Variants in CTSH observed in about 807,000 individuals in gnomAD.
The protein encoded by CTSH is cathepsin H.
CTSH carries 52 observed loss-of-function variants against 56.3 expected under a neutral mutation model. The observed-to-expected ratio is 0.92, with a 90% CI of 0.74 to 1.16. The LOEUF (loss-of-function observed/expected upper bound fraction) is 1.16, where lower values mean the gene tolerates loss of function less well. Among genes scored for constraint, CTSH ranks in the 50% most tolerant of loss-of-function variants. The pLI, the probability that CTSH is intolerant of heterozygous loss-of-function variation, is 0.00. For synonymous variants in CTSH, 174 were observed against 155.7 expected (o/e 1.12, Z -0.88); for missense variants, 406 against 424.5 (o/e 0.96, Z 0.38).
Position 78,921,887 on chromosome 15 carries a change from T to TTA in CTSH, c.*242_*243insTA, listed in dbSNP as rs2054776239. On this transcript the variant is annotated 3_prime_UTR_variant, in exon 12 of 12. Coordinates refer to ENST00000220166, the MANE Select transcript of CTSH (RefSeq NM_004390.5). ...GAAAGAATATTCGTGGTCCATGTGG[T>TTA]TTGAGTCTGTTAAGAAGGACACTAA... The TTA allele has an allele frequency of 9.3e-6, 5 of 539,516 alleles. No individual in the cohort carries two copies. In the South Asian group the frequency reaches 1.3e-4, roughly 14 times the overall value. 33.4% of individuals were successfully genotyped at this position (539,516 alleles called of 1,614,324 possible). A position where few individuals can be genotyped will look rare whatever the true frequency, so the allele number is the denominator to read the frequency against.
At chr15:78,928,207 A>G (rs73470389) in intron 8 of CTSH, among the ~76,000 whole-genome samples, 28,835 of 141,896 alleles carry the variant, frequency 0.2, 4,090 homozygotes, top group East Asian at 0.64. Flanking sequence ...CAAGGGACAG[A>G]ACTAGAGGGA....
intron 7 of CTSH, 145 bp from the exon 8 acceptor site, chr15:78,929,638 GC>G: frequency 1.7e-6 from 1 of 577,558 alleles, no homozygotes; most frequent in Non-Finnish European, 3.1e-6. Flanking sequence ...TCTCTGAGAG[GC>G]CCAGCCTTGG....
intron 3 of CTSH, 142 bp downstream of exon 3, chr15:78,937,176 G>C (rs1462848147): frequency 3.0e-6 from 2 of 660,088 alleles, no homozygotes; most frequent in Non-Finnish European, 2.7e-6. Flanking sequence ...AGTAACAGCG[G>C]AGCCACAATC....
intron 3 of CTSH, chr15:78,936,888 C>T (rs1169501822): frequency 1.2e-5 from 2 of 160,894 alleles, no homozygotes; most frequent in Non-Finnish European, 2.7e-5. Flanking sequence ...CTCGGCCTCC[C>T]AAAGTGCTGG....
intron 2 of CTSH, 137 bp from the exon 3 acceptor site, chr15:78,937,560 C>A: frequency 2.3e-6 from 3 of 1,331,756 alleles, no homozygotes; most frequent in Admixed American, 2.7e-5. Flanking sequence ...TGTTAATGGG[C>A]GGGGTACTGC....
intron 2 of CTSH, among the ~76,000 whole-genome samples, chr15:78,938,875 A>C (rs922226684): frequency 5.9e-5 from 9 of 152,180 alleles, no homozygotes; most frequent in Admixed American, 2.0e-4. Context: ...TACATTCTCC[A>C]CAATGTGCTT....
chr15:78,929,399 C>G lies in CTSH; in HGVS notation c.630+13G>C. 6.2e-7 allele frequency: 1 copy of G among 1,604,136 alleles called. No individual in the cohort carries two copies. Among genetic ancestry groups the G allele is most frequent in the Non-Finnish European group, 8.5e-7 (1 of 1,171,914 alleles). ...GTACGCCAAGAAGACAGAGTGGAGG[C>G]TGTTGGAGTTACCTTGCCCTGGTAG... is the stretch of plus-strand genomic sequence containing the variant. On this transcript the variant is annotated intron_variant, in intron 8 of 11. Transcript: ENST00000220166.
chr15:78,941,903 TA>T (rs2055302669), intron 1 of CTSH, among the ~76,000 whole-genome samples: 1 of 152,228 alleles, frequency 6.6e-6, no homozygotes, highest in Admixed American at 6.5e-5. Flanking sequence ...AAGTAATTGT[TA>T]AACATCAAAA....
intron 2 of CTSH, among the ~76,000 whole-genome samples, chr15:78,938,861 A>C (rs10152892): frequency 0.28 from 42,066 of 152,100 alleles, 6,887 homozygotes; most frequent in East Asian, 0.68. Flanking sequence ...TGGTTGTACT[A>C]ATTTACATTC....
At position 78,927,665 on chromosome 15, in the gene CTSH, C is replaced by T. The variant is rs547345008; in HGVS notation, c.699+48G>A. On this transcript the variant is annotated intron_variant, in intron 9 of 11. Coordinates refer to ENST00000220166, the MANE Select transcript of CTSH (RefSeq NM_004390.5). ...GGCTATCCGACAGCATGAGAGAGGC[C>T]TCCTCATCAGGACACATTCCCCATC... 150 of 1,559,648 alleles carry T rather than the reference C, an allele frequency of 9.6e-5. 1 individual carries two copies. In the East Asian group the frequency reaches 2.7e-3, roughly 28 times the overall value.
chr15:78,932,142 C>T, intron 6 of CTSH: 1 of 1,087,218 alleles, frequency 9.2e-7, no homozygotes, highest in Non-Finnish European at 1.2e-6. Context: ...TAAGGACCAC[C>T]CAGATCCATC....
At chr15:78,937,594 A>ACAAC in intron 2 of CTSH, 171 bp from the exon 3 acceptor site, 1 of 1,414,060 alleles carries the variant, frequency 7.1e-7, no homozygotes, top group Admixed American at 2.7e-5. Flanking sequence ...AAGTTACAAA[A>ACAAC]CAACCCCGTT....
intron 1 of CTSH, among the ~76,000 whole-genome samples, chr15:78,943,312 G>A (rs1211321494): frequency 4.6e-5 from 7 of 151,858 alleles, no homozygotes; most frequent in East Asian, 1.9e-4. Flanking sequence ...TGGAGTGATC[G>A]CCACCTCTCA....
intron 9 of CTSH, chr15:78,925,779 A>C: frequency 4.2e-6 from 1 of 237,210 alleles, no homozygotes; most frequent in South Asian, 6.0e-5. Flanking sequence ...CCCAGAGTCT[A>C]CAAAGCTTTG....
At chr15:78,923,226 C>T (rs34577742) in intron 10 of CTSH, 108 bp from the exon 11 acceptor site, 302,491 of 1,231,244 alleles carry the variant, frequency 0.25, 39,844 homozygotes, top group Non-Finnish European at 0.26. Context: ...TTCCCCACAG[C>T]GGACCAGGGA....
chr15:78,927,673 C>T (rs2054941041), intron 9 of CTSH, 40 bp downstream of exon 9: 1 of 1,591,978 alleles, frequency 6.3e-7, no homozygotes, highest in Non-Finnish European at 8.6e-7. Flanking sequence ...GCCTCCTCAT[C>T]AGGACACATT....
chr15:78,931,549 C>A (rs200999373), intron 6 of CTSH, 43 bp from the exon 7 acceptor site: 1 of 1,613,928 alleles, frequency 6.2e-7, no homozygotes, highest in African/African-American at 1.3e-5. Flanking sequence ...GCTGAGAAGC[C>A]GTCAAGGCTT....
chr15:78,943,983 C>G (rs939644423), intron 1 of CTSH, among the ~76,000 whole-genome samples: 1 of 152,070 alleles, frequency 6.6e-6, no homozygotes, highest in East Asian at 1.9e-4. Flanking sequence ...ACCCTCTGGC[C>G]CAGATTCAGC....
At chr15:78,925,100 G>A (rs755910149) in intron 10 of CTSH, among the ~76,000 whole-genome samples, 9 of 152,142 alleles carry the variant, frequency 5.9e-5, no homozygotes, top group African/African-American at 1.4e-4. Flanking sequence ...TGTGTCTGTC[G>A]TATCCCTTCT....
Sources: allele counts gnomAD v4.1 joint callset (sites outside exome capture counted in the v4.1 genomes callset), GRCh38; gene constraint gnomAD v4.1.1; transcripts MANE v1.5; gene names NCBI Gene and HGNC (gene_info 2026-07-23, HGNC 2026-07-21).